Variants in INPP5B observed in about 807,000 individuals in gnomAD.
INPP5B encodes the protein inositol polyphosphate-5-phosphatase B, also known as type II inositol 1,4,5-trisphosphate 5-phosphatase.
INPP5B carries 90 observed loss-of-function variants against 118.5 expected under a neutral mutation model. That is an observed-to-expected ratio of 0.76 (90% CI 0.64 to 0.90). The LOEUF (loss-of-function observed/expected upper bound fraction) is 0.90, where lower values mean the gene tolerates loss of function less well. INPP5B is among the 40% of genes least tolerant of loss of function. The pLI is 0.00. For synonymous variants in INPP5B, 385 were observed against 418.9 expected (o/e 0.92, Z 0.99); for missense variants, 984 against 1,125.6 (o/e 0.87, Z 1.80).
chr1:37,927,750 G>A (rs1423287704), intron 7 of INPP5B, among the ~76,000 whole-genome samples: 2 of 151,896 alleles, frequency 1.3e-5, no homozygotes, highest in Non-Finnish European at 2.9e-5. Context: ...TGTTAGCCAG[G>A]ATGGTCTCAA....
intron 6 of INPP5B, 41 bp from the exon 7 acceptor site, chr1:37,932,094 G>T (rs1286553188): frequency 3.9e-6 from 6 of 1,520,046 alleles, no homozygotes; most frequent in Non-Finnish European, 5.3e-6. Context: ...CCACGAGCTT[G>T]AAGAGCCGGC....
In INPP5B at chr1:37,868,533, C is replaced by G. The variant is rs765210866; in HGVS notation, c.2269G>C (p.Val757Leu). The change falls in exon 20 of 24, where the codon GTT becomes CTT. Residue 757 changes from valine (V) to leucine (L), a missense_variant. By Grantham distance (32) the Val-to-Leu change is conservative (BLOSUM62 1). Around this residue, in one of 2 missense-constraint regions of INPP5B, gnomAD observed 634 missense variants for 791.0 expected, o/e 0.80. Transcript: ENST00000373024. Reference protein sequence around the residue: ...MEIPKELWMMVDYLYRNAVQQ... With the variant: ...MEIPKELWMMLDYLYRNAVQQ... ...ACAGCATTTCGGTACAGGTAATCAA[C>G]CATCATCCAGAGCTCTTTGGGGATT... 3 of 1,613,928 alleles carry G rather than the reference C, an allele frequency of 1.9e-6. No homozygotes were observed. Among genetic ancestry groups the G allele is most frequent in the Non-Finnish European group, 8.5e-7 (1 of 1,179,840 alleles).
At chr1:37,943,316 C>T (rs1646002500) in intron 5 of INPP5B, among the ~76,000 whole-genome samples, 1 of 151,982 alleles carries the variant, frequency 6.6e-6, no homozygotes, top group Non-Finnish European at 1.5e-5. Context: ...ACAAAGGCTG[C>T]CTGGGAAGAG....
chr1:37,881,444 T>G (rs886723051), intron 14 of INPP5B, among the ~76,000 whole-genome samples: 1 of 152,192 alleles, frequency 6.6e-6, no homozygotes, highest in Non-Finnish European at 1.5e-5. Context: ...AGCACCACAC[T>G]TGGCACTACA....
intron 19 of INPP5B, among the ~76,000 whole-genome samples, chr1:37,869,093 A>G (rs1314375461): frequency 6.6e-6 from 1 of 152,084 alleles, no homozygotes; most frequent in Non-Finnish European, 1.5e-5. Context: ...CCCAGGTTCA[A>G]GCAATTCTCC....
chr1:37,919,427 TTAAG>T (rs1488041893), intron 7 of INPP5B, among the ~76,000 whole-genome samples: 1 of 152,120 alleles, frequency 6.6e-6, no homozygotes, highest in Non-Finnish European at 1.5e-5. Context: ...ACTGACCGGA[TTAAG>T]TGAGTAGGTT....
Position 37,946,330 on chromosome 1 carries a change from A to G in INPP5B, c.-22T>C, listed in dbSNP as rs756005128. 8 of 1,607,652 alleles carry G rather than the reference A, an allele frequency of 5.0e-6. No homozygotes were observed. The highest frequency in any genetic ancestry group is 2.2e-5 in the East Asian group (1 of 44,746). On this transcript the variant is annotated 5_prime_UTR_variant, in exon 2 of 24. Transcript: ENST00000373024. The stretch of plus-strand genomic sequence containing the variant: ...CCATGCTGGCCCCTGCTGAGCGCAC[A>G]CACCCTGTGGGAGGGGAGATAGGAG...
At chr1:37,909,676 T>C (rs1231592962) in intron 7 of INPP5B, among the ~76,000 whole-genome samples, 1 of 152,128 alleles carries the variant, frequency 6.6e-6, no homozygotes, top group Non-Finnish European at 1.5e-5. Context: ...TTATTCTCAA[T>C]ACACATTTTA....
intron 15 of INPP5B, 31 bp downstream of exon 15, chr1:37,880,054 G>A: frequency 6.8e-7 from 1 of 1,466,292 alleles, no homozygotes; most frequent in Non-Finnish European, 9.5e-7. Flanking sequence ...GTTTCCGTTT[G>A]CTCAACCCTT....
chr1:37,894,561 C>CTTTTTTT (rs759895009), intron 7 of INPP5B, among the ~76,000 whole-genome samples: 131 of 138,940 alleles, frequency 9.4e-4, no homozygotes, highest in Non-Finnish European at 1.2e-3. Context: ...TTTCTTTTTT[C>CTTTTTTT]TTTTTTTTTT....
At position 37,885,700 on chromosome 1, in the gene INPP5B, A is replaced by T; in HGVS notation, c.1257T>A (p.Cys419Ter). The T allele has an allele frequency of 6.2e-7, 1 of 1,614,198 alleles. No homozygotes were observed. The highest frequency in any genetic ancestry group is 8.5e-7 in the Non-Finnish European group (1 of 1,180,022). ...ERRNQDYKDICSRMQFCQPDP... is the reference protein window; with the variant it reads ...ERRNQDYKDI The stretch of plus-strand genomic sequence containing the variant: ...CAGGCTGACAAAACTGCATTCGAGA[A>T]CAAATGTCCTTATAGTCCTGGTTCC... The change falls in exon 13 of 24, where the codon TGT (cysteine) becomes TGA (stop). Residue 419 changes from cysteine to a stop codon, truncating the protein, a stop_gained. Coordinates refer to ENST00000373024, the MANE Select transcript of INPP5B (RefSeq NM_005540.3). LOFTEE classifies it high-confidence loss of function.
intron 19 of INPP5B, among the ~76,000 whole-genome samples, chr1:37,871,176 G>T (rs1251260323): frequency 1.8e-5 from 2 of 108,930 alleles, no homozygotes; most frequent in South Asian, 2.7e-4. Flanking sequence ...AAAAAAAAAA[G>T]GCCGGGCGCA....
Position 37,945,763 on chromosome 1 carries a change from C to CCTGGCCGCCGTGCTCCA in INPP5B, c.128_144dup (p.Glu49TrpfsTer30). 6.2e-7 allele frequency: 1 copy of CCTGGCCGCCGTGCTCCA among 1,613,628 alleles called. No individual in the cohort carries two copies. Among genetic ancestry groups the CCTGGCCGCCGTGCTCCA allele is most frequent in the Non-Finnish European group, 8.5e-7 (1 of 1,179,668 alleles). On this transcript the variant is annotated frameshift_variant, in exon 3 of 24. Coordinates refer to ENST00000373024, the MANE Select transcript of INPP5B (RefSeq NM_005540.3). LOFTEE classifies it high-confidence loss of function. ...ACCAAGCCCCTCACTCACGCGTGTT[C>CCTGGCCGCCGTGCTCCA]CTGGCCGCCGTGCTCCAGGCGGTAG... is the stretch of plus-strand genomic sequence containing the variant.
intron 7 of INPP5B, chr1:37,931,009 G>A (rs1645435581): frequency 6.4e-6 from 1 of 156,666 alleles, no homozygotes; most frequent in Admixed American, 6.3e-5. Flanking sequence ...GGTCCTCCCA[G>A]AGCACGGACT....
intron 6 of INPP5B, among the ~76,000 whole-genome samples, chr1:37,934,090 C>T (rs182011445): frequency 2.0e-4 from 30 of 152,058 alleles, no homozygotes; most frequent in East Asian, 7.8e-4. Flanking sequence ...CACGGCACCA[C>T]GCCTGGCTAA....
At chr1:37,882,325 G>A (rs1221116076) in intron 14 of INPP5B, among the ~76,000 whole-genome samples, 2 of 152,112 alleles carry the variant, frequency 1.3e-5, no homozygotes, top group Non-Finnish European at 2.9e-5. Flanking sequence ...GAAACGCTAC[G>A]TCAAGCAATG....
At chr1:37,864,683 C>A in intron 22 of INPP5B, 1 of 271,516 alleles carries the variant, frequency 3.7e-6, no homozygotes, top group Non-Finnish European at 6.9e-6. Context: ...GAATGTAAGA[C>A]AAAATGGGAC....
chr1:37,889,277 G>A (rs980775488), intron 9 of INPP5B, among the ~76,000 whole-genome samples: 15 of 152,030 alleles, frequency 9.9e-5, no homozygotes, highest in East Asian at 3.9e-4. Context: ...TCAGGATGGC[G>A]CTCCTTCTTC....
chr1:37,871,853 G>A (rs566194913), intron 19 of INPP5B, among the ~76,000 whole-genome samples: 1 of 150,660 alleles, frequency 6.6e-6, no homozygotes, highest in Admixed American at 6.6e-5. Context: ...GCCAAGATGT[G>A]CCACTGCATT....
Sources: gnomAD v4.1 joint callset for allele counts (sites outside exome capture counted in the v4.1 genomes callset) on GRCh38, gnomAD v4.1.1 for gene constraint, gnomAD v4.1.1 regional missense constraint, MANE v1.5 for transcripts, NCBI Gene and HGNC (gene_info 2026-07-23, HGNC 2026-07-21) for gene names.